The following ERG variants were observed in gnomAD, a reference collection of about 807,000 sequenced individuals.
The protein encoded by ERG is ETS transcription factor ERG.
ERG carries 9 observed loss-of-function variants against 55.3 expected under a neutral mutation model. The observed-to-expected ratio is 0.16, with a 90% CI of 0.10 to 0.28. The LOEUF (loss-of-function observed/expected upper bound fraction) is 0.28, where lower values mean the gene tolerates loss of function less well. Among genes scored for constraint, ERG ranks in the 10% least tolerant of loss-of-function variants. The pLI, the probability that ERG is intolerant of heterozygous loss-of-function variation, is 1.00. For missense variants in ERG, 434 were observed against 631.6 expected (o/e 0.69, Z 3.35); for synonymous variants, 223 against 237.3 (o/e 0.94, Z 0.55).
At chr21:38,587,099 C>G (rs936657821), upstream of ERG, among the ~76,000 whole-genome samples, 3 of 152,206 alleles carry the variant, frequency 2.0e-5, no homozygotes, top group Non-Finnish European at 4.4e-5. Context: ...ACTCCTATTT[C>G]CTTCTTTATA....
intron 2 of ERG, among the ~76,000 whole-genome samples, chr21:38,435,856 T>C (rs531505248): frequency 1.6e-4 from 24 of 152,274 alleles, no homozygotes; most frequent in African/African-American, 5.8e-4. Flanking sequence ...ATGACAAAGA[T>C]CAGATGTGAC....
At chr21:38,514,396 A>C (rs1000559438) in intron 2 of ERG, among the ~76,000 whole-genome samples, 4 of 151,934 alleles carry the variant, frequency 2.6e-5, no homozygotes, top group African/African-American at 9.6e-5. Flanking sequence ...ACCCAACAGT[A>C]TATACGACAA....
chr21:38,494,103 T>G (rs1489178847), intron 1 of ERG, among the ~76,000 whole-genome samples: 1 of 152,074 alleles, frequency 6.6e-6, no homozygotes, highest in African/African-American at 2.4e-5. Context: ...TTGCCCAGGG[T>G]CACAACAGGA....
At position 38,406,154 on chromosome 21, in the gene ERG, CAAAAA is replaced by C. The variant is rs56711562; in HGVS notation, c.389-2450_389-2446del. Among the ~76,000 whole-genome samples the C allele has an allele frequency of 6.8e-3, 642 of 95,024 alleles. 22 individuals are homozygous for C. Among genetic ancestry groups the C allele is most frequent in the Admixed American group, 0.039 (291 of 7,476 alleles). 62.3% of individuals were successfully genotyped at this position (95,024 alleles called of 152,430 possible). A position where few individuals can be genotyped will look rare whatever the true frequency, so the allele number is the denominator to read the frequency against. On this transcript the variant is annotated intron_variant, in intron 3 of 9. Transcript: ENST00000288319. ...TGAGCGACAGAGCGAGACTCCATCT[CAAAAA>C]AAAAAAAAAAAAAAAATCATCAGTG...
intron 2 of ERG, among the ~76,000 whole-genome samples, chr21:38,569,597 A>G (rs2059944811): frequency 1.3e-5 from 2 of 152,168 alleles, no homozygotes; most frequent in Non-Finnish European, 2.9e-5. Flanking sequence ...TATATAATCT[A>G]TTTGTGCAAT....
rs2060373534 is a variant in ERG at position 38,634,067 on chromosome 21, A to G, written c.-150+27591T>C. 2.0e-5 allele frequency among the ~76,000 whole-genome samples: 3 copies of G among 152,226 alleles called. No individual in the cohort carries two copies. In the South Asian group the frequency reaches 6.2e-4, roughly 32 times the overall value. Reference sequence around the variant, plus strand: ...ATACGTCCACAAAAATAAAACCAATATGATAACTCTAAAATACATATTGTA... The same window carrying G: ...ATACGTCCACAAAAATAAAACCAATGTGATAACTCTAAAATACATATTGTA... On this transcript the variant is annotated intron_variant, in intron 1 of 10. Transcript: ENST00000398910.
At chr21:38,505,023 A>AT (rs2059449636) in intron 2 of ERG, among the ~76,000 whole-genome samples, 1 of 152,122 alleles carries the variant, frequency 6.6e-6, no homozygotes, top group Non-Finnish European at 1.5e-5. Context: ...TGCATTAATA[A>AT]TTTTTCCTGC....
At chr21:38,502,754 TCTCA>T, upstream of ERG, 1 of 149,310 alleles carries the variant, frequency 6.7e-6, no homozygotes, top group East Asian at 2.0e-4. Flanking sequence ...TTTTTTTGAG[TCTCA>T]CTCTGTCGCC....
At chr21:38,607,263 C>T (rs1276040809) in intron 1 of ERG, among the ~76,000 whole-genome samples, 1 of 152,112 alleles carries the variant, frequency 6.6e-6, no homozygotes, top group Non-Finnish European at 1.5e-5. Flanking sequence ...TACTTACAGA[C>T]ACTTAATTAA....
intron 1 of ERG, among the ~76,000 whole-genome samples, chr21:38,639,328 G>A (rs561814210): frequency 3.3e-5 from 5 of 150,478 alleles, no homozygotes; most frequent in East Asian, 2.0e-4. Context: ...TAACAATCAC[G>A]AAGAAAAAAT....
At chr21:38,525,215 G>A (rs896343922) in intron 2 of ERG, among the ~76,000 whole-genome samples, 1 of 152,136 alleles carries the variant, frequency 6.6e-6, no homozygotes, top group African/African-American at 2.4e-5. Context: ...CTGGTGTGGT[G>A]TGAAGATCAC....
chr21:38,601,628 T>C (rs1291433290), intron 1 of ERG, among the ~76,000 whole-genome samples: 1 of 152,144 alleles, frequency 6.6e-6, no homozygotes, highest in African/African-American at 2.4e-5. Flanking sequence ...GAGTTTCTCA[T>C]TCCTTTGACA....
At chr21:38,426,588 A>G (rs1182315483) in intron 2 of ERG, among the ~76,000 whole-genome samples, 1 of 152,208 alleles carries the variant, frequency 6.6e-6, no homozygotes, top group Non-Finnish European at 1.5e-5. Context: ...TTCTTCTCCA[A>G]CAACGCAGTT....
At chr21:38,504,843 A>G (rs537488979) in intron 2 of ERG, among the ~76,000 whole-genome samples, 39 of 152,356 alleles carry the variant, frequency 2.6e-4, no homozygotes, top group East Asian at 3.9e-4. Context: ...ATGATTTTTT[A>G]AGAAGTGTGT....
At chr21:38,508,008 C>T (rs1601158612) in intron 2 of ERG, among the ~76,000 whole-genome samples, 2 of 148,632 alleles carry the variant, frequency 1.3e-5, no homozygotes, top group African/African-American at 2.5e-5. Context: ...TGCACACACA[C>T]AGAGACACAC....
intron 1 of ERG, among the ~76,000 whole-genome samples, chr21:38,641,839 T>C (rs1267188346): frequency 1.3e-5 from 2 of 152,246 alleles, no homozygotes; most frequent in African/African-American, 2.4e-5. Flanking sequence ...CTCAGTCTGA[T>C]AAACTACAGC....
intron 1 of ERG, among the ~76,000 whole-genome samples, chr21:38,494,277 C>T (rs532353832): frequency 3.9e-5 from 6 of 152,306 alleles, no homozygotes; most frequent in South Asian, 4.1e-4. Flanking sequence ...GAAAAGACCC[C>T]GCCAGAGCAC....
At chr21:38,396,543 T>C (rs1369853026) in intron 6 of ERG, among the ~76,000 whole-genome samples, 3 of 152,202 alleles carry the variant, frequency 2.0e-5, no homozygotes, top group Non-Finnish European at 4.4e-5. Flanking sequence ...AAGGCTGCAT[T>C]TGCAGGCTTA....
At chr21:38,647,445 T>C (rs911766683) in intron 1 of ERG, among the ~76,000 whole-genome samples, 1 of 152,228 alleles carries the variant, frequency 6.6e-6, no homozygotes, top group Non-Finnish European at 1.5e-5. Flanking sequence ...AGCACAGATA[T>C]ACCTAAATGT....
Sources: allele counts gnomAD v4.1 joint callset (sites outside exome capture counted in the v4.1 genomes callset), GRCh38; gene constraint gnomAD v4.1.1; transcripts MANE v1.5; gene names NCBI Gene and HGNC (gene_info 2026-07-23, HGNC 2026-07-21).